Variants in EHBP1 observed in about 807,000 individuals in gnomAD.
EHBP1 encodes the protein EH domain binding protein 1, also known as EH domain-binding protein 1.
EHBP1 carries 55 observed loss-of-function variants against 144.0 expected under a neutral mutation model. The observed-to-expected ratio is 0.38, with a 90% CI of 0.31 to 0.48. The LOEUF (loss-of-function observed/expected upper bound fraction) is 0.48, where lower values mean the gene tolerates loss of function less well. EHBP1 is among the 20% of genes least tolerant of loss of function. EHBP1 has a pLI of 0.98. For synonymous variants in EHBP1, 469 were observed against 472.7 expected, an observed-to-expected ratio of 0.99 and a Z score of 0.10; for missense variants, 1,200 against 1,364.2, an observed-to-expected ratio of 0.88 and a Z score of 1.90.
intron 2 of EHBP1, among the ~76,000 whole-genome samples, chr2:62,714,769 C>G (rs573380785): frequency 1.3e-5 from 2 of 152,184 alleles, no homozygotes; most frequent in East Asian, 1.9e-4. Context: ...ATAACCTGAA[C>G]TTTTAAGAGT....
At chr2:62,965,679 G>A (rs1488695412) in intron 14 of EHBP1, among the ~76,000 whole-genome samples, 1 of 152,170 alleles carries the variant, frequency 6.6e-6, no homozygotes, top group African/African-American at 2.4e-5. Context: ...ATGCAGTCTT[G>A]TCAGTTGATG....
chr2:62,688,056 A>T (rs2033776738), intron 1 of EHBP1, among the ~76,000 whole-genome samples: 1 of 152,226 alleles, frequency 6.6e-6, no homozygotes, highest in South Asian at 2.1e-4. Flanking sequence ...CTTAACTTTC[A>T]CAAAAGCAGC....
intron 5 of EHBP1, among the ~76,000 whole-genome samples, chr2:62,776,454 A>G (rs2042058534): frequency 2.6e-5 from 4 of 152,228 alleles, no homozygotes; most frequent in Admixed American, 2.0e-4. Context: ...TATTTTTATA[A>G]TGTTCCTTTC....
At chr2:62,900,684 G>GTATATATATATA (rs147278087) in intron 10 of EHBP1, among the ~76,000 whole-genome samples, 19 of 141,488 alleles carry the variant, frequency 1.3e-4, no homozygotes, top group African/African-American at 5.3e-4. Flanking sequence ...GTGTGTATGT[G>GTATATATATATA]TATATATATA....
intron 21 of EHBP1, among the ~76,000 whole-genome samples, chr2:63,042,443 G>C (rs1271334717): frequency 7.9e-5 from 12 of 152,008 alleles, no homozygotes; most frequent in Admixed American, 7.9e-4. Flanking sequence ...TTCCTGTACA[G>C]TTGACTAATA....
intron 10 of EHBP1, among the ~76,000 whole-genome samples, chr2:62,911,072 A>G (rs561377214): frequency 6.6e-6 from 1 of 152,088 alleles, no homozygotes; most frequent in African/African-American, 2.4e-5. Flanking sequence ...AGAGAGAATT[A>G]TTTTTCTGGT....
intron 19 of EHBP1, among the ~76,000 whole-genome samples, chr2:63,024,328 G>A (rs2060883268): frequency 6.6e-6 from 1 of 152,168 alleles, no homozygotes; most frequent in African/African-American, 2.4e-5. Flanking sequence ...TGGATGACAA[G>A]AGCGAGACTC....
chr2:62,709,007 A>G (rs2034865274), intron 2 of EHBP1, among the ~76,000 whole-genome samples: 1 of 152,290 alleles, frequency 6.6e-6, no homozygotes, highest in South Asian at 2.1e-4. Flanking sequence ...TCTGTAGGTG[A>G]TAGGAACATA....
chr2:62,787,200 C>A (rs1413419504), intron 5 of EHBP1, among the ~76,000 whole-genome samples: 3 of 152,036 alleles, frequency 2.0e-5, no homozygotes, highest in Non-Finnish European at 4.4e-5. Context: ...GTTCTGCTGC[C>A]GTGCTTGAAT....
intron 7 of EHBP1, among the ~76,000 whole-genome samples, chr2:62,852,887 G>A (rs1223964374): frequency 6.6e-6 from 1 of 152,034 alleles, no homozygotes; most frequent in Non-Finnish European, 1.5e-5. Flanking sequence ...AAAACTATTG[G>A]CAAAACAAGA....
chr2:63,012,343 T>G (rs1223557837), intron 19 of EHBP1, among the ~76,000 whole-genome samples: 2 of 152,094 alleles, frequency 1.3e-5, no homozygotes, highest in Non-Finnish European at 2.9e-5. Context: ...ATACTATATC[T>G]CACTCACTGC....
chr2:62,790,137 G>A (rs2043076811), intron 5 of EHBP1, among the ~76,000 whole-genome samples: 1 of 152,114 alleles, frequency 6.6e-6, no homozygotes, highest in Non-Finnish European at 1.5e-5. Flanking sequence ...CCTTTACCCT[G>A]ACATAATGTC....
intron 5 of EHBP1, among the ~76,000 whole-genome samples, chr2:62,803,477 C>T (rs184301796): frequency 6.6e-5 from 10 of 152,274 alleles, no homozygotes; most frequent in Non-Finnish European, 1.0e-4. Context: ...TTTGTCACTT[C>T]GATGGGTGAA....
intron 5 of EHBP1, among the ~76,000 whole-genome samples, chr2:62,821,419 T>C (rs577566738): frequency 9.5e-4 from 144 of 152,306 alleles, no homozygotes; most frequent in South Asian, 2.1e-3. Context: ...CCTGGTGTGG[T>C]AGCTCACGCC....
chr2:62,716,185 C>G (rs1366760502), intron 2 of EHBP1, among the ~76,000 whole-genome samples: 2 of 152,094 alleles, frequency 1.3e-5, no homozygotes, highest in Non-Finnish European at 2.9e-5. Context: ...CCGCAACCCC[C>G]CACCACGCCC....
chr2:62,987,332 G>A (rs1259559687), intron 15 of EHBP1, among the ~76,000 whole-genome samples: 1 of 152,012 alleles, frequency 6.6e-6, no homozygotes, highest in Non-Finnish European at 1.5e-5. Context: ...ATTTTTCCCA[G>A]ATTTTGCTCT....
intron 1 of EHBP1, among the ~76,000 whole-genome samples, chr2:62,684,740 T>C (rs1001741623): frequency 6.6e-6 from 1 of 152,122 alleles, no homozygotes; most frequent in Non-Finnish European, 1.5e-5. Context: ...TTCCAGCTCC[T>C]TTTCTATGAA....
intron 10 of EHBP1, among the ~76,000 whole-genome samples, chr2:62,930,675 A>G (rs1156282669): frequency 6.6e-6 from 1 of 152,240 alleles, no homozygotes; most frequent in Non-Finnish European, 1.5e-5. Context: ...GCATGAAGAC[A>G]TATAGACCAA....
At chr2:63,012,738 G>T (rs2060320984) in intron 19 of EHBP1, among the ~76,000 whole-genome samples, 1 of 152,156 alleles carries the variant, frequency 6.6e-6, no homozygotes, top group Non-Finnish European at 1.5e-5. Context: ...GGTTCTTTGA[G>T]AATGTGCAGA....
Sources: gnomAD v4.1 joint callset for allele counts (sites outside exome capture counted in the v4.1 genomes callset) on GRCh38, gnomAD v4.1.1 for gene constraint, MANE v1.5 for transcripts, NCBI Gene and HGNC (gene_info 2026-07-23, HGNC 2026-07-21) for gene names.